RIF1: variants seen among roughly 807,000 people sequenced by gnomAD.
RIF1 encodes replication timing regulatory factor 1.
A neutral mutation model predicts 247.1 loss-of-function variants in RIF1; 45 were observed. The ratio of observed to expected loss-of-function variants is 0.18; its 90% CI spans 0.14 to 0.23. The LOEUF (loss-of-function observed/expected upper bound fraction) is 0.23, where lower values mean the gene tolerates loss of function less well. Among genes scored for constraint, RIF1 ranks in the 10% least tolerant of loss-of-function variants. The pLI is 1.00. For synonymous variants in RIF1, 1,087 were observed against 978.8 expected (o/e 1.11, Z -2.06); for missense variants, 2,967 against 2,862.5 (o/e 1.04, Z -0.83).
rs139052966 is a variant in RIF1, at chr2:151,465,334, T to G, written c.5814T>G (p.Ser1938=). Residue 1938 remains serine, a synonymous_variant, in exon 30 of 36, where the codon TCT becomes TCG. Coordinates refer to ENST00000444746, the MANE Select transcript of RIF1 (RefSeq NM_018151.5). ...AAGAGAGAACCAAAACTGGTATTTCTGAAGAAGCAGCAATAGAAGAAAATA... is the reference window on the plus strand; with the variant it reads ...AAGAGAGAACCAAAACTGGTATTTCGGAAGAAGCAGCAATAGAAGAAAATA... The part of the protein sequence containing the change: ...HGQERTKTGI[S]EEAAIEENKR... The G allele has an allele frequency of 6.2e-7, 1 of 1,613,924 alleles. No individual in the cohort carries two copies. The highest frequency in any genetic ancestry group is 8.5e-7 in the Non-Finnish European group (1 of 1,179,986).
At chr2:151,423,907 C>A (rs1688572286) in intron 8 of RIF1, 1 of 152,120 alleles carries the variant, frequency 6.6e-6, no homozygotes, top group Admixed American at 6.6e-5. Context: ...TACCCAAAAC[C>A]TGTGCATCAT....
At chr2:151,411,568 A>G (rs1686239897) in intron 3 of RIF1, among the ~76,000 whole-genome samples, 1 of 151,944 alleles carries the variant, frequency 6.6e-6, no homozygotes, top group South Asian at 2.1e-4. Context: ...GCCCCGGCTA[A>G]TTTTGTATTT....
chr2:151,520,310 C>T, the RIF1 span, among the ~76,000 whole-genome samples: 1 of 151,902 alleles, frequency 6.6e-6, no homozygotes, highest in Non-Finnish European at 1.5e-5. Flanking sequence ...CCTGAGTAAA[C>T]AAATATGAGA....
rs745359696 is a variant in RIF1, at chr2:151,496,242, C to CAGTA, written c.*513+921_*513+924dup. The CAGTA allele has an allele frequency of 3.5e-5, 53 of 1,515,006 alleles. No individual in the cohort carries two copies. The East Asian group carries it at 9.6e-4, about 27-fold the overall frequency. The allele number at this position is 1,515,006 out of a possible 1,614,324, so 93.8% of individuals were successfully genotyped here. A position where few individuals can be genotyped will look rare whatever the true frequency, so the allele number is the denominator to read the frequency against. On this transcript the variant is annotated intron_variant and NMD_transcript_variant, in intron 10 of 13. Transcript: ENST00000454583. ...AAATCATAAAAGTAGTTTTTAAAAT[C>CAGTA]AGTAAGTAGTTTTTTTCTTTTCTCG...
At chr2:151,451,959 A>G (rs980124022) in intron 21 of RIF1, among the ~76,000 whole-genome samples, 1 of 152,238 alleles carries the variant, frequency 6.6e-6, no homozygotes, top group Admixed American at 6.5e-5. Context: ...GCAGAAAGAT[A>G]AATACTATTC....
At chr2:151,521,138 A>G in the RIF1 span, among the ~76,000 whole-genome samples, 2 of 152,132 alleles carry the variant, frequency 1.3e-5, no homozygotes, top group South Asian at 4.1e-4. Flanking sequence ...AGTACCCCTC[A>G]TGGTTCATCA....
intron 11 of RIF1, among the ~76,000 whole-genome samples, chr2:151,500,795 C>T (rs1299578820): frequency 6.6e-6 from 1 of 151,976 alleles, no homozygotes; most frequent in African/African-American, 2.4e-5. Context: ...GATGGAATTT[C>T]ACCATGTTGG....
At chr2:151,442,115 G>T (rs955568984) in intron 16 of RIF1, 124 bp downstream of exon 16, 11 of 195,280 alleles carry the variant, frequency 5.6e-5, no homozygotes, top group African/African-American at 2.3e-4. Context: ...TGCTCTTGTT[G>T]CCCAGGCTGG....
the RIF1 span, chr2:151,531,885 C>T: frequency 6.4e-7 from 1 of 1,570,484 alleles, no homozygotes; most frequent in South Asian, 1.1e-5. Context: ...CATAGTTTTT[C>T]CTGTATTTGA....
At chr2:151,507,149 GC>G in intron 13 of RIF1, 2 of 583,330 alleles carry the variant, frequency 3.4e-6, no homozygotes, top group Non-Finnish European at 5.9e-6. Context: ...TGGTCTGGTA[GC>G]CCAAGGGAAA....
chr2:151,496,246 AAGT>A (rs1233892556), intron 10 of RIF1: 2 of 1,524,820 alleles, frequency 1.3e-6, no homozygotes, highest in Non-Finnish European at 1.8e-6. Flanking sequence ...TAAAATCAGT[AAGT>A]AGTTTTTTTC....
At chr2:151,436,167 A>G (rs1296909142) in intron 11 of RIF1, among the ~76,000 whole-genome samples, 1 of 151,874 alleles carries the variant, frequency 6.6e-6, no homozygotes, top group African/African-American at 2.4e-5. Flanking sequence ...CGGAGGTTGC[A>G]GTGAGCCGAG....
rs374691148 is a variant in RIF1, at chr2:151,490,334, C to T, written c.*416-4895C>T. ...TTATAGTAACCATCAATGAGCTGGCCGGGTGGGACTGCCAAAATCAGCGCC... is the reference window on the plus strand; with the variant it reads ...TTATAGTAACCATCAATGAGCTGGCTGGGTGGGACTGCCAAAATCAGCGCC... On this transcript the variant is annotated intron_variant and NMD_transcript_variant, in intron 9 of 13. Coordinates refer to the RIF1 transcript ENST00000454583. 132 of 1,571,798 alleles carry T rather than the reference C, an allele frequency of 8.4e-5. 1 individual carries two copies. The highest frequency in any genetic ancestry group is 5.9e-4 in the East Asian group (25 of 42,462).
chr2:151,412,197 ATCCTT>A (rs1415139236), intron 3 of RIF1, among the ~76,000 whole-genome samples: 1 of 152,128 alleles, frequency 6.6e-6, no homozygotes, highest in Non-Finnish European at 1.5e-5. Flanking sequence ...CTTCCTGACT[ATCCTT>A]AACATCTTTT....
chr2:151,445,240 A>T, intron 18 of RIF1, 98 bp from the exon 19 acceptor site: 4 of 737,512 alleles, frequency 5.4e-6, no homozygotes, highest in Non-Finnish European at 9.7e-6. Context: ...ATCATTGGGG[A>T]ACACAGTTTT....
downstream of RIF1, among the ~76,000 whole-genome samples, chr2:151,511,384 A>G (rs1196082804): frequency 6.6e-6 from 1 of 152,220 alleles, no homozygotes; most frequent in Non-Finnish European, 1.5e-5. Context: ...TAATTTTACA[A>G]TATACAACTA....
intron 17 of RIF1, 75 bp from the exon 18 acceptor site, chr2:151,443,454 T>C: frequency 7.0e-7 from 1 of 1,419,250 alleles, no homozygotes; most frequent in Non-Finnish European, 9.5e-7. Flanking sequence ...TGTCAGTTAT[T>C]TTAGAATTTT....
At position 151,493,624 on chromosome 2, in the gene RIF1, CGTG is replaced by C. The variant is rs1395773706; in HGVS notation, c.*416-1603_*416-1601del. ...GAAAGAAGTAAAATCACTGTGACCTCGTGGGGTTGGTTTGTTGTTTTTAAGTGG... is the reference window on the plus strand; with the variant it reads ...GAAAGAAGTAAAATCACTGTGACCTCGGGTTGGTTTGTTGTTTTTAAGTGG... On this transcript the variant is annotated intron_variant and NMD_transcript_variant, in intron 9 of 13. Coordinates refer to the RIF1 transcript ENST00000454583. The C allele has an allele frequency of 1.7e-4, 124 of 736,906 alleles. 2 individuals carry two copies. The East Asian group carries it at 3.3e-3, about 20-fold the overall frequency. The allele number at this position is 736,906 out of a possible 1,614,324, so 45.6% of individuals were successfully genotyped here.
At chr2:151,460,898 G>A (rs1391937965) in intron 26 of RIF1, among the ~76,000 whole-genome samples, 1 of 152,148 alleles carries the variant, frequency 6.6e-6, no homozygotes, top group Non-Finnish European at 1.5e-5. Flanking sequence ...TCCATACTTT[G>A]TAGTTAAGCA....
Sources: gnomAD v4.1 joint callset for allele counts (sites outside exome capture counted in the v4.1 genomes callset) on GRCh38, gnomAD v4.1.1 for gene constraint, MANE v1.5 for transcripts, NCBI Gene and HGNC (gene_info 2026-07-23, HGNC 2026-07-21) for gene names.